Variants in FGF14 observed in about 807,000 individuals in gnomAD.
FGF14 encodes fibroblast growth factor 14.
In FGF14, 5 loss-of-function variants were observed where a neutral mutation model predicts 25.5. That is an observed-to-expected ratio of 0.20 (90% CI 0.10 to 0.41). The LOEUF (loss-of-function observed/expected upper bound fraction) is 0.41. Among genes scored for constraint, FGF14 ranks in the 10% least tolerant of loss-of-function variants. The probability of loss-of-function intolerance (pLI) is 1.00; values close to 1 mark genes in which losing one functional copy is unlikely to be tolerated. For missense variants in FGF14, 222 were observed against 320.1 expected (o/e 0.69, Z 2.34); for synonymous variants, 138 against 118.3 (o/e 1.17, Z -1.08).
chr13:102,244,843 T>A (rs1317926364), intron 1 of FGF14, among the ~76,000 whole-genome samples: 1 of 152,106 alleles, frequency 6.6e-6, no homozygotes, highest in Non-Finnish European at 1.5e-5. Context: ...CACATGTTTC[T>A]GTTAACACAC....
intron 1 of FGF14, among the ~76,000 whole-genome samples, chr13:102,182,244 T>C (rs1249538289): frequency 1.3e-5 from 2 of 152,100 alleles, no homozygotes; most frequent in Admixed American, 1.3e-4. Context: ...TGATTCCTGG[T>C]ATTGAATATG....
At position 101,758,607 on chromosome 13, in the gene FGF14, T is replaced by C. The variant is rs191774508; in HGVS notation, c.409-31797A>G. 1.9e-3 allele frequency among the ~76,000 whole-genome samples: 289 copies of C among 152,294 alleles called. 2 individuals are homozygous for C. Among genetic ancestry groups the C allele is most frequent in the Admixed American group, 4.9e-3 (75 of 15,290 alleles). ...CATAAAGACACAATAACTAAATAAT[T>C]GCAGGGCTTGCTTGGCACCCAGAAA... On this transcript the variant is annotated intron_variant, in intron 3 of 4. Transcript: ENST00000376143.
At chr13:102,365,550 C>A (rs2057686316) in intron 1 of FGF14, among the ~76,000 whole-genome samples, 1 of 152,132 alleles carries the variant, frequency 6.6e-6, no homozygotes, top group African/African-American at 2.4e-5. Context: ...TAAAGTATGA[C>A]TTTTCATTAG....
intron 1 of FGF14, among the ~76,000 whole-genome samples, chr13:101,956,427 T>C (rs538442264): frequency 6.6e-6 from 1 of 152,268 alleles, no homozygotes; most frequent in African/African-American, 2.4e-5. Flanking sequence ...GCCCAACATC[T>C]ATATTAGGAA....
chr13:101,843,955 C>G (rs2043320839), intron 3 of FGF14, among the ~76,000 whole-genome samples: 1 of 151,932 alleles, frequency 6.6e-6, no homozygotes, highest in African/African-American at 2.4e-5. Flanking sequence ...AGAAAGAACC[C>G]TAATAGGAGA....
chr13:101,829,716 T>A (rs1423717312), intron 3 of FGF14, among the ~76,000 whole-genome samples: 4 of 152,078 alleles, frequency 2.6e-5, no homozygotes, highest in Non-Finnish European at 5.9e-5. Flanking sequence ...CTTGGTTGAA[T>A]GACCCCATCA....
At chr13:101,864,708 G>A (rs566093227) in intron 3 of FGF14, among the ~76,000 whole-genome samples, 1 of 152,212 alleles carries the variant, frequency 6.6e-6, no homozygotes, top group African/African-American at 2.4e-5. Context: ...CAGATGAGAT[G>A]CTAATTTCAG....
chr13:101,908,310 C>A (rs1316315348), intron 1 of FGF14, among the ~76,000 whole-genome samples: 1 of 152,106 alleles, frequency 6.6e-6, no homozygotes, highest in African/African-American at 2.4e-5. Flanking sequence ...TAATCCCAGC[C>A]CCACTCTTCA....
intron 1 of FGF14, among the ~76,000 whole-genome samples, chr13:102,351,965 C>T (rs1219948093): frequency 6.6e-6 from 1 of 152,170 alleles, no homozygotes; most frequent in African/African-American, 2.4e-5. Flanking sequence ...AATTTCTGAA[C>T]ATATTTCAAA....
intron 1 of FGF14, among the ~76,000 whole-genome samples, chr13:102,014,969 G>A (rs967867423): frequency 3.3e-5 from 5 of 152,130 alleles, no homozygotes; most frequent in Non-Finnish European, 7.3e-5. Context: ...TGCCTAGGCT[G>A]GAGTGCAATG....
At chr13:101,932,303 G>T (rs2034804758) in intron 1 of FGF14, among the ~76,000 whole-genome samples, 1 of 152,074 alleles carries the variant, frequency 6.6e-6, no homozygotes, top group South Asian at 2.1e-4. Context: ...GCCTAGGTGG[G>T]TGGATCACCT....
chr13:102,202,915 A>G (rs545335470), intron 1 of FGF14, among the ~76,000 whole-genome samples: 3 of 152,198 alleles, frequency 2.0e-5, no homozygotes, highest in Non-Finnish European at 4.4e-5. Flanking sequence ...AGAATGGGCA[A>G]AGGAGCCCAC....
upstream of FGF14, chr13:102,401,915 C>T: frequency 3.5e-6 from 2 of 578,104 alleles, no homozygotes; most frequent in Non-Finnish European, 6.1e-6. Context: ...AACAGTAATG[C>T]ACAAAAGATC....
At chr13:101,998,412 T>C (rs1213432957) in intron 1 of FGF14, among the ~76,000 whole-genome samples, 3 of 152,222 alleles carry the variant, frequency 2.0e-5, no homozygotes, top group African/African-American at 7.2e-5. Flanking sequence ...ATGTTATTTG[T>C]CATACAAACC....
intron 1 of FGF14, among the ~76,000 whole-genome samples, chr13:102,343,901 C>G (rs2057027589): frequency 6.6e-6 from 1 of 152,174 alleles, no homozygotes; most frequent in Non-Finnish European, 1.5e-5. Flanking sequence ...CTACTAAATA[C>G]AACATAGTTA....
At chr13:102,339,515 G>A (rs767304345) in intron 1 of FGF14, among the ~76,000 whole-genome samples, 10 of 152,208 alleles carry the variant, frequency 6.6e-5, no homozygotes, top group Non-Finnish European at 1.3e-4. Flanking sequence ...TACATCATAT[G>A]CTTAAAAATT....
At chr13:102,161,574 A>AAGAAG (rs1555369410) in intron 1 of FGF14, among the ~76,000 whole-genome samples, 4 of 5,312 alleles carry the variant, frequency 7.5e-4, no homozygotes, top group Non-Finnish European at 9.8e-4. Context: ...GTGAAGAAAG[A>AAGAAG]AAGAAGAAGA....
chr13:101,917,118 G>A (rs903741027), upstream of FGF14, among the ~76,000 whole-genome samples: 2 of 151,574 alleles, frequency 1.3e-5, no homozygotes, highest in African/African-American at 2.4e-5. Context: ...CCGTCGGTCC[G>A]GGTCGCGCTG....
At chr13:101,805,694 A>T (rs2140156330) in intron 3 of FGF14, among the ~76,000 whole-genome samples, 1 of 152,294 alleles carries the variant, frequency 6.6e-6, no homozygotes, top group East Asian at 1.9e-4. Flanking sequence ...TCAAAATTGC[A>T]CAGACAACCA....
Sources: allele counts gnomAD v4.1 joint callset (sites outside exome capture counted in the v4.1 genomes callset), GRCh38; gene constraint gnomAD v4.1.1; transcripts MANE v1.5; gene names NCBI Gene and HGNC (gene_info 2026-07-23, HGNC 2026-07-21).